ITGB5: variants seen among roughly 807,000 people sequenced by gnomAD.
ITGB5 encodes integrin beta-5.
Under a neutral mutation model 84.8 loss-of-function variants are expected in ITGB5, and 38 were observed. That is an observed-to-expected ratio of 0.45 (90% CI 0.35 to 0.59). ITGB5 has a LOEUF of 0.59. Among genes scored for constraint, ITGB5 ranks in the 20% least tolerant of loss-of-function variants. ITGB5 has a pLI of 0.01. For missense variants in ITGB5, 905 were observed against 1,034.5 expected, an observed-to-expected ratio of 0.87 and a Z score of 1.72; for synonymous variants, 393 against 414.4, an observed-to-expected ratio of 0.95 and a Z score of 0.63.
At chr3:124,875,082 G>A (rs975271032) in intron 1 of ITGB5, among the ~76,000 whole-genome samples, 6 of 152,162 alleles carry the variant, frequency 3.9e-5, no homozygotes, top group South Asian at 2.1e-4. Context: ...TACTATATGC[G>A]AGAGAATATT....
In ITGB5 at chr3:124,764,885, A is replaced by C. The variant is rs539943982; in HGVS notation, c.2138-328T>G. Among the ~76,000 whole-genome samples, 72 of 152,334 alleles carry C rather than the reference A, an allele frequency of 4.7e-4. 1 individual carries two copies. The Middle Eastern group carries it at 0.027, about 58-fold the overall frequency. On this transcript the variant is annotated intron_variant, in intron 13 of 14. Transcript: ENST00000296181. ...CTGGACCCGCTCAGCTTTCGTGTACATGGTTTCAGGAGCAGACTGGGCAGG... is the reference window on the plus strand; with the variant it reads ...CTGGACCCGCTCAGCTTTCGTGTACCTGGTTTCAGGAGCAGACTGGGCAGG...
At chr3:124,839,032 T>C (rs1160131050) in intron 5 of ITGB5, among the ~76,000 whole-genome samples, 1 of 152,198 alleles carries the variant, frequency 6.6e-6, no homozygotes, top group East Asian at 1.9e-4. Context: ...GTTTTATAAG[T>C]AGGTGATGTC....
At chr3:124,883,250 G>A (rs917506559) in intron 1 of ITGB5, among the ~76,000 whole-genome samples, 6 of 152,146 alleles carry the variant, frequency 3.9e-5, no homozygotes, top group Non-Finnish European at 5.9e-5. Flanking sequence ...ACCAGGCCAC[G>A]CAGGCACAAA....
chr3:124,864,050 A>AAGAAAG (rs1553766448), intron 2 of ITGB5, among the ~76,000 whole-genome samples: 12 of 137,796 alleles, frequency 8.7e-5, no homozygotes, highest in African/African-American at 1.8e-4. Context: ...AGAAAAAAGA[A>AAGAAAG]AAAGAAAGAA....
intron 5 of ITGB5, among the ~76,000 whole-genome samples, chr3:124,826,355 G>T (rs950726334): frequency 6.6e-6 from 1 of 152,166 alleles, no homozygotes; most frequent in Non-Finnish European, 1.5e-5. Context: ...GAATTCGGGT[G>T]CCTTCTGATG....
In ITGB5 at chr3:124,775,020, A is replaced by G. The variant is rs147035278; in HGVS notation, c.1694-1108T>C. 2.5e-3 allele frequency among the ~76,000 whole-genome samples: 379 copies of G among 152,326 alleles called. 3 individuals are homozygous for G. Among genetic ancestry groups the G allele is most frequent in the African/African-American group, 8.3e-3 (346 of 41,572 alleles). On this transcript the variant is annotated intron_variant, in intron 10 of 14. Coordinates refer to ENST00000296181, the MANE Select transcript of ITGB5 (RefSeq NM_002213.5). ...GTCTGGCTCCAGAGTCCATGATCTC[A>G]GTGCCAAAGTCTACTGCCTCCTATG...
intron 1 of ITGB5, among the ~76,000 whole-genome samples, chr3:124,881,086 C>T (rs555547255): frequency 4.0e-5 from 6 of 151,868 alleles, no homozygotes; most frequent in South Asian, 4.2e-4. Context: ...AAAGTTCAAG[C>T]GATCCTCCTG....
chr3:124,777,598 G>C (rs866781465), intron 10 of ITGB5, among the ~76,000 whole-genome samples: 2 of 152,198 alleles, frequency 1.3e-5, no homozygotes, highest in African/African-American at 2.4e-5. Context: ...CTCCACACTT[G>C]TGGCAGGCAT....
At chr3:124,784,630 C>T (rs1340571183) in intron 10 of ITGB5, among the ~76,000 whole-genome samples, 1 of 152,224 alleles carries the variant, frequency 6.6e-6, no homozygotes, top group Non-Finnish European at 1.5e-5. Context: ...TCAAAGAAGT[C>T]TAAAACCAGC....
intron 10 of ITGB5, among the ~76,000 whole-genome samples, chr3:124,789,281 T>C (rs2064123402): frequency 6.6e-6 from 1 of 152,288 alleles, no homozygotes; most frequent in African/African-American, 2.4e-5. Flanking sequence ...GGCAGGTGTT[T>C]TGTTTGACAA....
intron 5 of ITGB5, among the ~76,000 whole-genome samples, chr3:124,825,657 C>A (rs977391125): frequency 1.3e-5 from 2 of 152,156 alleles, no homozygotes; most frequent in African/African-American, 2.4e-5. Context: ...GAAAACAGAT[C>A]AGTAGTCGCC....
intron 12 of ITGB5, among the ~76,000 whole-genome samples, chr3:124,766,603 G>C (rs1279221112): frequency 6.6e-6 from 1 of 152,198 alleles, no homozygotes; most frequent in Non-Finnish European, 1.5e-5. Flanking sequence ...AGTGTTAGTC[G>C]GGGGTGATGT....
intron 1 of ITGB5, among the ~76,000 whole-genome samples, chr3:124,900,438 C>G (rs967346210): frequency 6.6e-6 from 1 of 152,222 alleles, no homozygotes; most frequent in African/African-American, 2.4e-5. Context: ...CAAACTGGCT[C>G]TCTCACCTGG....
intron 9 of ITGB5, among the ~76,000 whole-genome samples, chr3:124,799,240 T>G (rs556949663): frequency 2.8e-4 from 42 of 152,278 alleles, no homozygotes; most frequent in African/African-American, 9.9e-4. Context: ...ACTTGGACAC[T>G]GAAATTGGTT....
intron 8 of ITGB5, among the ~76,000 whole-genome samples, chr3:124,811,102 C>T (rs1391155753): frequency 6.6e-6 from 1 of 152,116 alleles, no homozygotes; most frequent in African/African-American, 2.4e-5. Flanking sequence ...GTCTTAAATC[C>T]ACTTCCCTTT....
In ITGB5 at chr3:124,816,710, G is replaced by A. The variant is rs576130503; in HGVS notation, c.1128+911C>T. On this transcript the variant is annotated intron_variant, in intron 8 of 14. Coordinates refer to ENST00000296181, the MANE Select transcript of ITGB5 (RefSeq NM_002213.5). The stretch of plus-strand genomic sequence containing the variant: ...TGGGGTGTTATGAATCGAGGGAAAG[G>A]AGGGTAGGAAAGAGAAAGGCTTGGG... Among the ~76,000 whole-genome samples, 40 of 152,326 alleles carry A rather than the reference G, an allele frequency of 2.6e-4. 1 individual carries two copies. In the South Asian group the frequency reaches 8.1e-3, roughly 31 times the overall value.
intron 5 of ITGB5, among the ~76,000 whole-genome samples, chr3:124,832,286 C>T (rs1412884360): frequency 6.6e-6 from 1 of 152,252 alleles, no homozygotes; most frequent in Non-Finnish European, 1.5e-5. Context: ...ATGGCAGATA[C>T]TCTAATGTCA....
intron 9 of ITGB5, 131 bp downstream of exon 9, chr3:124,808,891 T>C (rs2107536695): frequency 9.7e-7 from 1 of 1,034,980 alleles, no homozygotes; most frequent in African/African-American, 1.6e-5. Context: ...AGGAGACTCC[T>C]CTGGGATGCT....
At chr3:124,826,474 C>T (rs1405933767) in intron 5 of ITGB5, among the ~76,000 whole-genome samples, 1 of 152,156 alleles carries the variant, frequency 6.6e-6, no homozygotes, top group Non-Finnish European at 1.5e-5. Flanking sequence ...TAATATAAAA[C>T]ATGTATTGTG....
Sources: allele counts gnomAD v4.1 joint callset (sites outside exome capture counted in the v4.1 genomes callset), GRCh38; gene constraint gnomAD v4.1.1; transcripts MANE v1.5; gene names NCBI Gene and HGNC (gene_info 2026-07-23, HGNC 2026-07-21).